Variants in CNTN4 observed in about 807,000 individuals in gnomAD.
CNTN4 encodes contactin-4.
In CNTN4, 77 loss-of-function variants were observed where a neutral mutation model predicts 122.5. That is an observed-to-expected ratio of 0.63 (90% CI 0.52 to 0.76). The LOEUF is 0.76. Among genes scored for constraint, CNTN4 ranks in the 30% least tolerant of loss-of-function variants. CNTN4 has a pLI of 0.00. For missense variants in CNTN4, 1,256 were observed against 1,259.1 expected, an observed-to-expected ratio of 1.00 and a Z score of 0.04; for synonymous variants, 512 against 447.0, an observed-to-expected ratio of 1.15 and a Z score of -1.83.
chr3:2,471,175 A>G (rs556715591), intron 3 of CNTN4, among the ~76,000 whole-genome samples: 7 of 152,340 alleles, frequency 4.6e-5, no homozygotes, highest in Non-Finnish European at 1.0e-4. Flanking sequence ...TCACCCAGAT[A>G]TGTAAAGAGA....
At chr3:2,317,504 C>G (rs1156394312) in intron 2 of CNTN4, among the ~76,000 whole-genome samples, 1 of 152,128 alleles carries the variant, frequency 6.6e-6, no homozygotes, top group East Asian at 1.9e-4. Flanking sequence ...TTTCGCGCTC[C>G]CTCTCACACA....
At chr3:2,573,323 G>C (rs1055115899) in intron 4 of CNTN4, among the ~76,000 whole-genome samples, 1 of 152,108 alleles carries the variant, frequency 6.6e-6, no homozygotes, top group Non-Finnish European at 1.5e-5. Context: ...CTTCCCCGCT[G>C]CATGATTGTG....
At chr3:2,450,333 C>G (rs1349882541) in intron 3 of CNTN4, among the ~76,000 whole-genome samples, 1 of 151,696 alleles carries the variant, frequency 6.6e-6, no homozygotes, top group Non-Finnish European at 1.5e-5. Context: ...CACCACTGCA[C>G]TCCAGCCTGG....
At chr3:2,966,863 C>A (rs961168678) in intron 13 of CNTN4, among the ~76,000 whole-genome samples, 7 of 152,146 alleles carry the variant, frequency 4.6e-5, no homozygotes, top group Non-Finnish European at 1.0e-4. Flanking sequence ...AATTATATTT[C>A]CTTTTGCTAA....
chr3:2,664,088 T>C (rs1002131760), intron 4 of CNTN4, among the ~76,000 whole-genome samples: 3 of 152,190 alleles, frequency 2.0e-5, no homozygotes, highest in South Asian at 2.1e-4. Flanking sequence ...AATTTGATTG[T>C]GATGATGGCT....
intron 2 of CNTN4, among the ~76,000 whole-genome samples, chr3:2,297,464 A>G (rs1458615603): frequency 6.6e-6 from 1 of 152,208 alleles, no homozygotes; most frequent in African/African-American, 2.4e-5. Flanking sequence ...GAGATAAGAT[A>G]AATCAGATTC....
chr3:2,452,366 C>T (rs2048859451), intron 3 of CNTN4, among the ~76,000 whole-genome samples: 2 of 152,074 alleles, frequency 1.3e-5, no homozygotes, highest in Non-Finnish European at 2.9e-5. Context: ...GCGAATTCAC[C>T]GAGGCTTTGT....
intron 3 of CNTN4, among the ~76,000 whole-genome samples, chr3:2,452,014 A>T (rs554261491): frequency 5.3e-5 from 8 of 152,160 alleles, no homozygotes; most frequent in Non-Finnish European, 1.2e-4. Flanking sequence ...AGTTTTCACC[A>T]TTCAAACTCT....
chr3:2,981,906 C>T (rs748533627), intron 13 of CNTN4, among the ~76,000 whole-genome samples: 14 of 151,938 alleles, frequency 9.2e-5, no homozygotes, highest in Non-Finnish European at 1.9e-4. Flanking sequence ...ATTAGCTAGA[C>T]GTGGGGGTAC....
At chr3:2,285,008 A>G (rs1273020804) in intron 2 of CNTN4, among the ~76,000 whole-genome samples, 1 of 151,972 alleles carries the variant, frequency 6.6e-6, no homozygotes, top group Non-Finnish European at 1.5e-5. Context: ...TTTTTGCCAG[A>G]TTATCTAATA....
intron 4 of CNTN4, among the ~76,000 whole-genome samples, chr3:2,572,513 C>A (rs534916133): frequency 5.3e-5 from 8 of 152,356 alleles, no homozygotes; most frequent in African/African-American, 1.7e-4. Context: ...AGAAGTCCAG[C>A]ATGCAGCGGG....
chr3:2,863,592 A>C (rs2150798312), intron 7 of CNTN4, among the ~76,000 whole-genome samples: 1 of 152,156 alleles, frequency 6.6e-6, no homozygotes, highest in Admixed American at 6.5e-5. Flanking sequence ...AAACTGAAGT[A>C]ATACAGTTAA....
intron 4 of CNTN4, among the ~76,000 whole-genome samples, chr3:2,657,191 T>C (rs1263258059): frequency 6.6e-6 from 1 of 152,208 alleles, no homozygotes; most frequent in Non-Finnish European, 1.5e-5. Flanking sequence ...TTTGTAAACA[T>C]TCCTACATGT....
chr3:2,915,219 A>T (rs2094340762), intron 12 of CNTN4, among the ~76,000 whole-genome samples: 1 of 152,150 alleles, frequency 6.6e-6, no homozygotes, highest in Admixed American at 6.5e-5. Context: ...ACGCATGCCA[A>T]CATGGCTGGC....
chr3:2,241,293 C>T (rs769082986), intron 2 of CNTN4, among the ~76,000 whole-genome samples: 1 of 152,130 alleles, frequency 6.6e-6, no homozygotes, highest in African/African-American at 2.4e-5. Flanking sequence ...TTATTGCTTA[C>T]ATTTTATTGC....
intron 4 of CNTN4, among the ~76,000 whole-genome samples, chr3:2,643,420 G>A (rs1425529033): frequency 6.6e-6 from 1 of 152,006 alleles, no homozygotes; most frequent in African/African-American, 2.4e-5. Flanking sequence ...TGATCCACCC[G>A]CCTCAGCCTC....
At chr3:2,851,320 C>T (rs1195853331) in intron 7 of CNTN4, among the ~76,000 whole-genome samples, 3 of 152,208 alleles carry the variant, frequency 2.0e-5, no homozygotes, top group Non-Finnish European at 4.4e-5. Flanking sequence ...GATCATATGC[C>T]TCTCCAGGCA....
rs869205172 is a variant in CNTN4, at chr3:2,215,883, CAAAAAAA to C, written c.-145+115262_-145+115268del. 2.8e-3 allele frequency among the ~76,000 whole-genome samples: 167 copies of C among 60,256 alleles called. 2 individuals carry two copies. The highest frequency in any genetic ancestry group is 0.014 in the Middle Eastern group (1 of 70). 39.5% of individuals were successfully genotyped at this position (60,256 alleles called of 152,430 possible). ...GTGTGAACAGAGTGAGCCTCTGTCT[CAAAAAAA>C]AAAAAAAAAAAAAAAAAGAGTTCCC... On this transcript the variant is annotated intron_variant, in intron 2 of 24. Transcript: ENST00000418658.
rs79648824 is a variant in CNTN4, at chr3:2,942,993, T to A, written c.1358+17214T>A. 6.8e-3 allele frequency among the ~76,000 whole-genome samples: 1,034 copies of A among 152,224 alleles called. 3 individuals are homozygous for A. The highest frequency in any genetic ancestry group is 0.011 in the Non-Finnish European group (739 of 68,022). ...ACAACCATGATTGTATAAGGACGGA[T>A]TAGAAGGAAATGCAAGATTATAATT... On this transcript the variant is annotated intron_variant, in intron 13 of 24. Coordinates refer to ENST00000418658, the MANE Select transcript of CNTN4 (RefSeq NM_175607.3).
Sources: allele counts gnomAD v4.1 joint callset (sites outside exome capture counted in the v4.1 genomes callset), GRCh38; gene constraint gnomAD v4.1.1; transcripts MANE v1.5; gene names NCBI Gene and HGNC (gene_info 2026-07-23, HGNC 2026-07-21).